Variants in WWOX observed in about 807,000 individuals in gnomAD.
WWOX encodes the protein WW domain containing oxidoreductase.
WWOX carries 69 observed loss-of-function variants against 46.2 expected under a neutral mutation model. The observed-to-expected ratio is 1.49, with a 90% CI of 1.23 to 1.82. The LOEUF is 1.82. WWOX is among the 40% of genes most tolerant of loss of function. The pLI is 0.00. For missense variants in WWOX, 919 were observed against 542.6 expected, an observed-to-expected ratio of 1.69 and a Z score of -6.89; for synonymous variants, 359 against 202.6, an observed-to-expected ratio of 1.77 and a Z score of -6.56.
chr16:79,142,967 G>C (rs1251065731), intron 8 of WWOX, among the ~76,000 whole-genome samples: 2 of 152,048 alleles, frequency 1.3e-5, no homozygotes, highest in Non-Finnish European at 2.9e-5. Context: ...GCCTCCCAAA[G>C]AGCAGAGATT....
intron 5 of WWOX, chr16:78,237,347 C>A (rs774001395): frequency 6.6e-6 from 1 of 152,096 alleles, no homozygotes; most frequent in South Asian, 2.1e-4. Context: ...GTTTAAAACA[C>A]GTAATTTTGC....
chr16:79,082,322 C>T (rs938956499), intron 8 of WWOX, among the ~76,000 whole-genome samples: 1 of 152,100 alleles, frequency 6.6e-6, no homozygotes, highest in African/African-American at 2.4e-5. Flanking sequence ...CAGGGTGTGA[C>T]CTCAGCGGAG....
intron 8 of WWOX, among the ~76,000 whole-genome samples, chr16:79,184,507 T>C (rs574423385): frequency 6.6e-6 from 1 of 152,300 alleles, no homozygotes; most frequent in East Asian, 1.9e-4. Flanking sequence ...AGACAAACTC[T>C]TGTCCACTTG....
chr16:78,764,176 G>C (rs567789988), intron 8 of WWOX, among the ~76,000 whole-genome samples: 1 of 152,252 alleles, frequency 6.6e-6, no homozygotes, highest in South Asian at 2.1e-4. Context: ...CAGGTTACAG[G>C]GTGCCATATT....
In WWOX at chr16:79,211,718, G is replaced by A; in HGVS notation, c.1167G>A (p.Gln389=). 1 of 1,614,228 alleles carries A rather than the reference G, an allele frequency of 6.2e-7. No homozygotes were observed. Among genetic ancestry groups the A allele is most frequent in the Non-Finnish European group, 8.5e-7 (1 of 1,180,034 alleles). Residue 389 remains glutamine (Q), a synonymous_variant, in exon 9 of 9, where the codon CAG becomes CAA. Coordinates refer to ENST00000566780, the MANE Select transcript of WWOX (RefSeq NM_016373.4). The part of the protein sequence containing the change: ...CCRCMPSPEA[Q]SEETARTLWA... ...GCTGCATGCCCTCACCAGAAGCTCA[G>A]AGCGAAGAGACGGCCCGGACCCTGT...
At chr16:79,071,488 C>G (rs2048550229) in intron 8 of WWOX, among the ~76,000 whole-genome samples, 1 of 152,178 alleles carries the variant, frequency 6.6e-6, no homozygotes, top group South Asian at 2.1e-4. Context: ...ATTTTGTTTT[C>G]TCTCTAGTTT....
chr16:78,115,990 T>C (rs545730513), intron 4 of WWOX, among the ~76,000 whole-genome samples: 4 of 152,258 alleles, frequency 2.6e-5, no homozygotes, highest in Admixed American at 2.6e-4. Flanking sequence ...TGTTTCTCTT[T>C]CCTAATTTTG....
rs112346701 is a variant in WWOX at position 78,153,717 on chromosome 16, A to C, written c.410-10466A>C. Among the ~76,000 whole-genome samples the C allele has an allele frequency of 5.0e-3, 758 of 152,294 alleles. 7 individuals carry two copies. Among genetic ancestry groups the C allele is most frequent in the Non-Finnish European group, 8.4e-3 (568 of 68,022 alleles). ...AATTATAAATTAATAATAACCACCC[A>C]TTAGAAATTACGGGTATTGTAAGCC... On this transcript the variant is annotated intron_variant, in intron 4 of 8. Coordinates refer to ENST00000566780, the MANE Select transcript of WWOX (RefSeq NM_016373.4).
At chr16:78,833,495 C>T (rs1201055840) in intron 8 of WWOX, among the ~76,000 whole-genome samples, 1 of 152,118 alleles carries the variant, frequency 6.6e-6, no homozygotes, top group Non-Finnish European at 1.5e-5. Context: ...TCTGCGAGTT[C>T]AGAAAATTGG....
At chr16:78,861,503 C>T (rs2151192198) in intron 8 of WWOX, among the ~76,000 whole-genome samples, 1 of 152,254 alleles carries the variant, frequency 6.6e-6, no homozygotes, top group East Asian at 1.9e-4. Flanking sequence ...TTCCCCCATG[C>T]CTGAAAATTT....
At chr16:78,130,709 C>A (rs2033555269) in intron 4 of WWOX, among the ~76,000 whole-genome samples, 1 of 152,240 alleles carries the variant, frequency 6.6e-6, no homozygotes, top group Non-Finnish European at 1.5e-5. Flanking sequence ...CTCATAGCCA[C>A]TGCCACGCCC....
At position 79,186,032 on chromosome 16, in the gene WWOX, C is replaced by A. The variant is rs547089166; in HGVS notation, c.1057-25576C>A. Among the ~76,000 whole-genome samples the A allele has an allele frequency of 3.3e-5, 5 of 151,946 alleles. No individual in the cohort carries two copies. In the South Asian group the frequency reaches 1.0e-3, roughly 32 times the overall value. Reference sequence around the variant, plus strand: ...TGAGAAGGTACATTCAGAGAATTTTCTGAAGTCTTTTTCACATGGCCTGTA... The same window carrying A: ...TGAGAAGGTACATTCAGAGAATTTTATGAAGTCTTTTTCACATGGCCTGTA... On this transcript the variant is annotated intron_variant, in intron 8 of 8. Transcript: ENST00000566780.
At chr16:78,224,456 C>T (rs893020085) in intron 5 of WWOX, among the ~76,000 whole-genome samples, 1 of 151,132 alleles carries the variant, frequency 6.6e-6, no homozygotes, top group Non-Finnish European at 1.5e-5. Context: ...AAGAAACTGC[C>T]TTTTTTCATG....
chr16:78,753,825 A>AATATATATATATATAT (rs1159243014), intron 8 of WWOX, among the ~76,000 whole-genome samples: 5 of 21,360 alleles, frequency 2.3e-4, no homozygotes, highest in Non-Finnish European at 4.9e-4. Flanking sequence ...AAAAAAAAAA[A>AATATATATATATATAT]ATATATATAT....
chr16:78,824,660 G>A (rs2051599025), intron 8 of WWOX, among the ~76,000 whole-genome samples: 1 of 152,158 alleles, frequency 6.6e-6, no homozygotes, highest in Admixed American at 6.6e-5. Flanking sequence ...TGAGGAAGAA[G>A]CGCACGTGAG....
intron 8 of WWOX, among the ~76,000 whole-genome samples, chr16:78,676,931 A>T (rs1403570299): frequency 6.6e-6 from 1 of 152,192 alleles, no homozygotes; most frequent in Non-Finnish European, 1.5e-5. Context: ...GTGAAAGGGG[A>T]AGAAAAACAG....
At chr16:78,774,831 C>G (rs1735605900) in intron 8 of WWOX, among the ~76,000 whole-genome samples, 1 of 152,198 alleles carries the variant, frequency 6.6e-6, no homozygotes, top group African/African-American at 2.4e-5. Flanking sequence ...TGCTTCCTAT[C>G]ACATGCCCAT....
intron 4 of WWOX, among the ~76,000 whole-genome samples, chr16:78,122,931 A>G (rs2033169148): frequency 6.6e-6 from 1 of 152,054 alleles, no homozygotes; most frequent in South Asian, 2.1e-4. Context: ...CTTTAATCTA[A>G]AAGCAGAACC....
chr16:78,349,091 G>T (rs1740122869), intron 5 of WWOX, among the ~76,000 whole-genome samples: 1 of 120,164 alleles, frequency 8.3e-6, no homozygotes, highest in African/African-American at 2.8e-5. Context: ...CCAAGGTCAA[G>T]GTTCCGGCAC....
Sources: gnomAD v4.1 joint callset for allele counts (sites outside exome capture counted in the v4.1 genomes callset) on GRCh38, gnomAD v4.1.1 for gene constraint, MANE v1.5 for transcripts, NCBI Gene and HGNC (gene_info 2026-07-23, HGNC 2026-07-21) for gene names.